DEPTOR: variants seen among roughly 807,000 people sequenced by gnomAD.
The protein encoded by DEPTOR is DEP domain containing MTOR interacting protein.
Under a neutral mutation model 41.6 loss-of-function variants are expected in DEPTOR, and 41 were observed. The ratio of observed to expected loss-of-function variants is 0.98; its 90% CI spans 0.77 to 1.28. The LOEUF is 1.28. Among genes scored for constraint, DEPTOR ranks in the 50% most tolerant of loss-of-function variants. DEPTOR has a pLI of 0.00. For missense variants in DEPTOR, 514 were observed against 527.9 expected (o/e 0.97, Z 0.26); for synonymous variants, 195 against 192.3 (o/e 1.01, Z -0.12).
chr8:120,014,713 G>C, intron 8 of DEPTOR, among the ~76,000 whole-genome samples: 1 of 151,894 alleles, frequency 6.6e-6, no homozygotes, highest in East Asian at 1.9e-4. Context: ...AGTAGAGACA[G>C]GGTTTCACCA....
At chr8:119,929,279 C>A (rs137972700) in intron 2 of DEPTOR, among the ~76,000 whole-genome samples, 1 of 151,968 alleles carries the variant, frequency 6.6e-6, no homozygotes, top group South Asian at 2.1e-4. Flanking sequence ...TGCCCAATTT[C>A]GATTCATTCT....
intron 1 of DEPTOR, among the ~76,000 whole-genome samples, chr8:119,912,981 C>T (rs1827764155): frequency 6.6e-6 from 1 of 152,070 alleles, no homozygotes; most frequent in African/African-American, 2.4e-5. Flanking sequence ...AGTGCAGTGG[C>T]CCGATATTGG....
intron 1 of DEPTOR, among the ~76,000 whole-genome samples, chr8:119,895,180 G>A (rs13261304): frequency 0.5 from 75,410 of 152,068 alleles, 20,406 homozygotes; most frequent in East Asian, 0.92. Flanking sequence ...AAACCTGAAA[G>A]AGAAGTACAA....
chr8:120,028,301 A>G (rs529296346), intron 8 of DEPTOR, among the ~76,000 whole-genome samples: 19 of 151,286 alleles, frequency 1.3e-4, no homozygotes, highest in African/African-American at 4.4e-4. Flanking sequence ...GATTACAGAC[A>G]TGAGCCACTA....
intron 3 of DEPTOR, among the ~76,000 whole-genome samples, chr8:119,954,442 G>A (rs1176558312): frequency 1.3e-5 from 2 of 152,178 alleles, no homozygotes; most frequent in Non-Finnish European, 2.9e-5. Context: ...AGCATGCCCA[G>A]TCTGTTTTGC....
rs568107457 is a variant in DEPTOR at position 119,913,079 on chromosome 8, C to A, written c.123-15321C>A. On this transcript the variant is annotated intron_variant, in intron 1 of 8. Transcript: ENST00000286234. ...GGGATTACAGGCACCTACCACCACA[C>A]CCAGTTAATTTTTGTATTTTTAGTA... Among the ~76,000 whole-genome samples, 145 of 152,212 alleles carry A rather than the reference C, an allele frequency of 9.5e-4. 1 individual carries two copies. The highest frequency in any genetic ancestry group is 3.4e-3 in the African/African-American group (141 of 41,534).
At chr8:119,942,761 A>G (rs1428919884) in intron 3 of DEPTOR, among the ~76,000 whole-genome samples, 1 of 152,162 alleles carries the variant, frequency 6.6e-6, no homozygotes, top group Non-Finnish European at 1.5e-5. Context: ...CCTGCCCCTT[A>G]TTAGCAAGAC....
intron 4 of DEPTOR, among the ~76,000 whole-genome samples, chr8:119,993,637 T>C (rs1586649027): frequency 6.6e-6 from 1 of 152,190 alleles, no homozygotes; most frequent in Non-Finnish European, 1.5e-5. Flanking sequence ...TTATATTTAC[T>C]ATAATACGAA....
chr8:119,991,461 G>A (rs902242383), intron 4 of DEPTOR, among the ~76,000 whole-genome samples: 6 of 152,038 alleles, frequency 3.9e-5, no homozygotes, highest in South Asian at 4.1e-4. Context: ...GATTACAGGC[G>A]TGTGCCACCA....
chr8:119,899,888 G>A (rs1057353718), intron 1 of DEPTOR, among the ~76,000 whole-genome samples: 2 of 152,100 alleles, frequency 1.3e-5, no homozygotes, highest in Non-Finnish European at 2.9e-5. Flanking sequence ...GAATTTATAA[G>A]AGCCTCTATT....
At chr8:119,971,015 G>C (rs897792768) in intron 4 of DEPTOR, among the ~76,000 whole-genome samples, 1 of 152,162 alleles carries the variant, frequency 6.6e-6, no homozygotes, top group African/African-American at 2.4e-5. Context: ...CGGATCACAA[G>C]GTCGGGAGAT....
chr8:119,899,983 G>A (rs149811206), intron 1 of DEPTOR, among the ~76,000 whole-genome samples: 2 of 152,130 alleles, frequency 1.3e-5, no homozygotes, highest in East Asian at 3.9e-4. Context: ...TTAACACAGA[G>A]ATTAGTACCA....
At chr8:119,965,495 A>C in intron 4 of DEPTOR, 85 bp downstream of exon 4, 298 of 1,482,202 alleles carry the variant, frequency 2.0e-4, no homozygotes, top group Non-Finnish European at 2.5e-4. Flanking sequence ...CTTATTTCTC[A>C]CTCATGAATC....
At chr8:119,951,038 C>T (rs549195749) in intron 3 of DEPTOR, among the ~76,000 whole-genome samples, 21 of 151,290 alleles carry the variant, frequency 1.4e-4, no homozygotes, top group African/African-American at 3.9e-4. Flanking sequence ...ACACCACTGA[C>T]GGGGTTAGAC....
intron 4 of DEPTOR, among the ~76,000 whole-genome samples, chr8:120,000,818 C>T (rs908498978): frequency 1.3e-5 from 2 of 151,750 alleles, no homozygotes; most frequent in African/African-American, 4.8e-5. Flanking sequence ...TGGCTCACAC[C>T]TGTAATCCCA....
intron 1 of DEPTOR, among the ~76,000 whole-genome samples, chr8:119,897,558 G>A (rs1344023371): frequency 6.6e-6 from 1 of 151,948 alleles, no homozygotes; most frequent in African/African-American, 2.4e-5. Flanking sequence ...AAAATTATTT[G>A]GTATATTGTA....
At chr8:119,924,508 T>C (rs565059367) in intron 1 of DEPTOR, among the ~76,000 whole-genome samples, 1 of 152,270 alleles carries the variant, frequency 6.6e-6, no homozygotes, top group East Asian at 1.9e-4. Flanking sequence ...TTGCCTTACC[T>C]TGCCACTCTA....
intron 8 of DEPTOR, among the ~76,000 whole-genome samples, chr8:120,016,259 C>T (rs1812609664): frequency 6.6e-6 from 1 of 152,054 alleles, no homozygotes; most frequent in African/African-American, 2.4e-5. Context: ...CTTCTAATAC[C>T]ATCACACTGG....
chr8:119,903,294 C>T (rs564190422), intron 1 of DEPTOR, among the ~76,000 whole-genome samples: 4 of 152,008 alleles, frequency 2.6e-5, no homozygotes, highest in Admixed American at 6.6e-5. Flanking sequence ...GATGGGGTTT[C>T]GCCATGTTAG....
Sources: gnomAD v4.1 joint callset for allele counts (sites outside exome capture counted in the v4.1 genomes callset) on GRCh38, gnomAD v4.1.1 for gene constraint, MANE v1.5 for transcripts, NCBI Gene and HGNC (gene_info 2026-07-23, HGNC 2026-07-21) for gene names.